FRMD6: variants seen among roughly 807,000 people sequenced by gnomAD.
FRMD6 encodes the protein FERM domain-containing protein 6.
A neutral mutation model predicts 73.2 loss-of-function variants in FRMD6; 37 were observed. That is an observed-to-expected ratio of 0.51 (90% CI 0.39 to 0.66). The LOEUF (loss-of-function observed/expected upper bound fraction) is 0.66. Among genes scored for constraint, FRMD6 ranks in the 30% least tolerant of loss-of-function variants. The pLI, the probability that FRMD6 is intolerant of heterozygous loss-of-function variation, is 0.00. For synonymous variants in FRMD6, 273 were observed against 282.2 expected (o/e 0.97, Z 0.33); for missense variants, 714 against 780.5 (o/e 0.91, Z 1.02).
chr14:51,409,896 G>A, the FRMD6 span, among the ~76,000 whole-genome samples: 3 of 152,176 alleles, frequency 2.0e-5, no homozygotes, highest in Admixed American at 1.3e-4. Flanking sequence ...GCCCAACGCA[G>A]TATGTTTCAC....
At chr14:51,418,119 G>A in the FRMD6 span, among the ~76,000 whole-genome samples, 1 of 152,170 alleles carries the variant, frequency 6.6e-6, no homozygotes, top group Admixed American at 6.5e-5. Context: ...GCTCGGAGAA[G>A]TTTGTTATTA....
At position 51,729,790 on chromosome 14, in the gene FRMD6, T is replaced by A. The variant is rs1205976300; in HGVS notation, c.*1761T>A. ...CCTCCTGTGCTGGGTCGCGGATGTG[T>A]AGGCAACATTGCCTTATCACGCTAG... On this transcript the variant is annotated 3_prime_UTR_variant, in exon 14 of 14. Transcript: ENST00000344768. The A allele has an allele frequency of 6.5e-6, 1 of 152,674 alleles. No individual in the cohort carries two copies. The highest frequency in any genetic ancestry group is 6.5e-5 in the Admixed American group (1 of 15,284). The allele number at this position is 152,674 out of a possible 1,614,324, so 9.5% of individuals were successfully genotyped here.
At chr14:51,422,280 G>A in the FRMD6 span, among the ~76,000 whole-genome samples, 3 of 152,074 alleles carry the variant, frequency 2.0e-5, no homozygotes, top group African/African-American at 4.8e-5. Context: ...ATCATCAACA[G>A]TAGCAACAGT....
chr14:51,412,493 G>A, the FRMD6 span, among the ~76,000 whole-genome samples: 33 of 151,956 alleles, frequency 2.2e-4, no homozygotes, highest in Admixed American at 6.5e-5. Context: ...TGTAAGAGAG[G>A]GGGAGGGAAA....
the FRMD6 span, among the ~76,000 whole-genome samples, chr14:51,403,427 G>A: frequency 1.3e-5 from 2 of 149,918 alleles, no homozygotes; most frequent in African/African-American, 2.5e-5. Flanking sequence ...TTGAGACAGG[G>A]TCTCACTCTT....
the FRMD6 span, among the ~76,000 whole-genome samples, chr14:51,479,381 A>G: frequency 6.6e-6 from 1 of 152,336 alleles, no homozygotes; most frequent in South Asian, 2.1e-4. Context: ...TGACCACCCA[A>G]CTATACTAAC....
intron 1 of FRMD6, among the ~76,000 whole-genome samples, chr14:51,670,999 C>T (rs898031736): frequency 1.3e-5 from 2 of 152,158 alleles, no homozygotes; most frequent in Non-Finnish European, 2.9e-5. Context: ...TGTTTTTCTG[C>T]ATCTATTGAA....
At chr14:51,681,439 A>G (rs75983876) in intron 1 of FRMD6, among the ~76,000 whole-genome samples, 1 of 152,204 alleles carries the variant, frequency 6.6e-6, no homozygotes, top group Non-Finnish European at 1.5e-5. Flanking sequence ...TGCTTCACAT[A>G]TGAGTAACCC....
chr14:51,473,509 C>A, the FRMD6 span, among the ~76,000 whole-genome samples: 1 of 152,100 alleles, frequency 6.6e-6, no homozygotes, highest in African/African-American at 2.4e-5. Context: ...CAGAAGTAGG[C>A]CTGTTCTTCC....
the FRMD6 span, among the ~76,000 whole-genome samples, chr14:51,411,003 G>A: frequency 6.6e-6 from 1 of 152,160 alleles, no homozygotes; most frequent in African/African-American, 2.4e-5. Flanking sequence ...GACCCCTCCT[G>A]CTGTGCCTGT....
chr14:51,484,656 C>A (rs1401086935), upstream of FRMD6, among the ~76,000 whole-genome samples: 1 of 152,204 alleles, frequency 6.6e-6, no homozygotes, highest in East Asian at 1.9e-4. Flanking sequence ...TTCCAAATCT[C>A]CCATGTGCAA....
the FRMD6 span, among the ~76,000 whole-genome samples, chr14:51,414,698 A>C: frequency 6.6e-6 from 1 of 152,154 alleles, no homozygotes; most frequent in Non-Finnish European, 1.5e-5. Flanking sequence ...GAAGAAAGTC[A>C]TTGGTAGTTT....
At chr14:51,578,731 T>G (rs1483159483) in intron 2 of FRMD6, among the ~76,000 whole-genome samples, 2 of 152,132 alleles carry the variant, frequency 1.3e-5, no homozygotes, top group African/African-American at 4.8e-5. Flanking sequence ...CCCCAATTTA[T>G]AGACGAGGAA....
At chr14:51,415,945 G>A in the FRMD6 span, among the ~76,000 whole-genome samples, 3 of 152,302 alleles carry the variant, frequency 2.0e-5, no homozygotes, top group South Asian at 4.1e-4. Flanking sequence ...TTGCGTAGAG[G>A]TGTTATAGTA....
At chr14:51,482,485 C>T in the FRMD6 span, among the ~76,000 whole-genome samples, 1 of 152,186 alleles carries the variant, frequency 6.6e-6, no homozygotes, top group African/African-American at 2.4e-5. Context: ...CCTGTCTTTA[C>T]CAGAGAGTCG....
Position 51,613,886 on chromosome 14 carries a change from C to T in FRMD6, c.-147+43476C>T, listed in dbSNP as rs562627102. On this transcript the variant is annotated intron_variant, in intron 2 of 14. Coordinates refer to the FRMD6 transcript ENST00000356218. ...ATATTAACAATATATTTTATTTAGCCCAATACAGATATTATTTCAATATTA... is the reference window on the plus strand; with the variant it reads ...ATATTAACAATATATTTTATTTAGCTCAATACAGATATTATTTCAATATTA... Among the ~76,000 whole-genome samples the T allele has an allele frequency of 5.9e-5, 9 of 151,638 alleles. No homozygotes were observed. In the South Asian group the frequency reaches 8.4e-4, roughly 14 times the overall value.
chr14:51,422,658 A>T, the FRMD6 span, among the ~76,000 whole-genome samples: 1 of 152,246 alleles, frequency 6.6e-6, no homozygotes, highest in Non-Finnish European at 1.5e-5. Context: ...AAAAATTTAT[A>T]TTGAACTCTT....
At chr14:51,687,893 A>G (rs889134429) in intron 1 of FRMD6, among the ~76,000 whole-genome samples, 13 of 152,086 alleles carry the variant, frequency 8.5e-5, no homozygotes, top group African/African-American at 2.9e-4. Flanking sequence ...ATTATATTCA[A>G]CCCTCTGCTC....
chr14:51,578,001 G>A (rs1888500565), intron 2 of FRMD6, among the ~76,000 whole-genome samples: 1 of 152,064 alleles, frequency 6.6e-6, no homozygotes, highest in South Asian at 2.1e-4. Flanking sequence ...ATGAGTTCAG[G>A]CACGTAAAAC....
Sources: allele counts gnomAD v4.1 joint callset (sites outside exome capture counted in the v4.1 genomes callset), GRCh38; gene constraint gnomAD v4.1.1; transcripts MANE v1.5; gene names NCBI Gene and HGNC (gene_info 2026-07-23, HGNC 2026-07-21).